LRCH1: variants seen among roughly 807,000 people sequenced by gnomAD.
LRCH1 encodes the protein leucine rich repeats and calponin homology domain containing 1, also known as leucine-rich repeat and calponin homology domain-containing protein 1.
LRCH1 carries 23 observed loss-of-function variants against 94.9 expected under a neutral mutation model. That is an observed-to-expected ratio of 0.24 (90% CI 0.17 to 0.34). The LOEUF (loss-of-function observed/expected upper bound fraction) is 0.34, where lower values mean the gene tolerates loss of function less well. Ranked by LOEUF, LRCH1 falls within the 10% of genes least tolerant of loss-of-function variation. The pLI, the probability that LRCH1 is intolerant of heterozygous loss-of-function variation, is 1.00. For synonymous variants in LRCH1, 364 were observed against 354.9 expected (o/e 1.03, Z -0.29); for missense variants, 790 against 945.9 (o/e 0.84, Z 2.16).
At chr13:46,748,550 C>T (rs976909322), downstream of LRCH1, among the ~76,000 whole-genome samples, 3 of 152,122 alleles carry the variant, frequency 2.0e-5, no homozygotes, top group Non-Finnish European at 4.4e-5. Context: ...CAGATGGTGC[C>T]GGGGAGGCTG....
intron 1 of LRCH1, among the ~76,000 whole-genome samples, chr13:46,604,261 C>T (rs1267594953): frequency 1.3e-5 from 2 of 152,060 alleles, no homozygotes; most frequent in African/African-American, 4.8e-5. Flanking sequence ...TATCTGGCAA[C>T]CCTAACTGGG....
intron 1 of LRCH1, among the ~76,000 whole-genome samples, chr13:46,635,761 G>T (rs957154179): frequency 1.4e-5 from 2 of 146,788 alleles, no homozygotes; most frequent in African/African-American, 2.5e-5. Context: ...GTGAGCCACC[G>T]CACCCGGCCC....
intron 1 of LRCH1, among the ~76,000 whole-genome samples, chr13:46,637,447 A>G (rs893282818): frequency 6.6e-6 from 1 of 151,558 alleles, no homozygotes; most frequent in Admixed American, 6.6e-5. Flanking sequence ...CTACTCCATG[A>G]CCTCATTGGC....
chr13:46,733,963 T>A lies in LRCH1; in HGVS notation c.2050T>A (p.Phe684Ile). The part of the protein sequence containing the change: ...MAKCRRNVEN[F>I]LEACRKLGVP... ...CAAATGCAGAAGAAATGTGGAAAAC[T>A]TTTTGGAAGCATGCCGAAAATTAGG... Residue 684 changes from phenylalanine to isoleucine, a missense_variant, in exon 19 of 20, where the codon TTT becomes ATT. Transcript: ENST00000389797. The A allele has an allele frequency of 6.2e-7, 1 of 1,604,848 alleles. No homozygotes were observed. Among genetic ancestry groups the A allele is most frequent in the Non-Finnish European group, 8.5e-7 (1 of 1,175,142 alleles).
At chr13:46,621,431 T>A (rs2050878542) in intron 1 of LRCH1, among the ~76,000 whole-genome samples, 1 of 152,174 alleles carries the variant, frequency 6.6e-6, no homozygotes, top group African/African-American at 2.4e-5. Flanking sequence ...TATAATCAAG[T>A]TGAGATCTTA....
intron 16 of LRCH1, chr13:46,717,345 A>G (rs1217042282): frequency 6.6e-6 from 1 of 152,212 alleles, no homozygotes; most frequent in Non-Finnish European, 1.5e-5. Context: ...TATTTTTTCT[A>G]TGAGTAAAAA....
intron 1 of LRCH1, among the ~76,000 whole-genome samples, chr13:46,628,981 A>T (rs1293190127): frequency 6.6e-6 from 1 of 152,208 alleles, no homozygotes; most frequent in Non-Finnish European, 1.5e-5. Context: ...CCATATAGTA[A>T]GTTTTAACAT....
chr13:46,673,111 T>A (rs2051623063), intron 3 of LRCH1, among the ~76,000 whole-genome samples: 1 of 152,220 alleles, frequency 6.6e-6, no homozygotes, highest in African/African-American at 2.4e-5. Context: ...ATAAAAAATA[T>A]TAATGAGATA....
At position 46,741,647 on chromosome 13, in the gene LRCH1, C is replaced by G; in HGVS notation, c.2091C>G (p.Asp697Glu). ...AATGGCTGCCCTCGGAATAGGCTGA[C>G]CTCTGCTCTCCGTGTGACATCCTGC... ...ACRKLGVPEA[D>E]LCSPCDILQL... The change falls in exon 20 of 20, where the codon GAC becomes GAG. Residue 697 changes from aspartate to glutamate, a missense_variant. This residue lies in a region of LRCH1 where 460 missense variants were observed against 508.9 expected (regional missense o/e 0.90). Coordinates refer to ENST00000389797, the MANE Select transcript of LRCH1 (RefSeq NM_001164211.2). The G allele has an allele frequency of 6.2e-7, 1 of 1,614,146 alleles. No homozygotes were observed. The highest frequency in any genetic ancestry group is 8.5e-7 in the Non-Finnish European group (1 of 1,179,986).
chr13:46,673,675 A>G (rs2051631228), intron 3 of LRCH1, among the ~76,000 whole-genome samples: 2 of 152,014 alleles, frequency 1.3e-5, no homozygotes, highest in South Asian at 4.2e-4. Context: ...GGCTCTAAGC[A>G]TTGTTTGTTA....
chr13:46,747,220 C>T (rs983830956), downstream of LRCH1, among the ~76,000 whole-genome samples: 8 of 152,106 alleles, frequency 5.3e-5, no homozygotes, highest in Admixed American at 2.6e-4. Context: ...ACCAGGAAGG[C>T]GAGGAATGCT....
At chr13:46,612,560 A>G (rs1384221027) in intron 1 of LRCH1, among the ~76,000 whole-genome samples, 1 of 152,128 alleles carries the variant, frequency 6.6e-6, no homozygotes, top group Non-Finnish European at 1.5e-5. Context: ...CATATGTCTC[A>G]ATTTTGAAGC....
chr13:46,624,052 T>C (rs893728449), intron 1 of LRCH1, among the ~76,000 whole-genome samples: 2 of 151,682 alleles, frequency 1.3e-5, no homozygotes, highest in African/African-American at 4.8e-5. Flanking sequence ...CCCAGACAAT[T>C]TTTCTATTTT....
rs765213372 is a variant in LRCH1, at chr13:46,668,996, G to A, written c.453-34G>A. 9 of 1,612,916 alleles carry A rather than the reference G, an allele frequency of 5.6e-6. No individual in the cohort carries two copies. The South Asian group carries it at 8.8e-5, about 16-fold the overall frequency. On this transcript the variant is annotated intron_variant, in intron 2 of 19. Transcript: ENST00000389797. ...ACAGACAGTATGAAGTGGCCTTTCT[G>A]TTTACATGTGTTCTTGTTGTATTGT...
At chr13:46,752,366 A>G (rs1874176968) in exon 19 of LRCH1, 1 of 152,262 alleles carries the variant, frequency 6.6e-6, no homozygotes, top group Non-Finnish European at 1.5e-5. Context: ...CAGGAGGAGG[A>G]TTCAGTGTGC....
At chr13:46,700,795 C>T (rs142797796) in intron 10 of LRCH1, among the ~76,000 whole-genome samples, 1 of 152,150 alleles carries the variant, frequency 6.6e-6, no homozygotes, top group African/African-American at 2.4e-5. Flanking sequence ...CCATGCAGCC[C>T]CCTAGAACTC....
intron 7 of LRCH1, among the ~76,000 whole-genome samples, chr13:46,689,826 AT>A (rs1385616261): frequency 2.0e-5 from 3 of 152,112 alleles, no homozygotes; most frequent in Admixed American, 6.5e-5. Flanking sequence ...TTGATAACTG[AT>A]TTATTATCTC....
At chr13:46,659,694 G>C (rs1204453264) in intron 2 of LRCH1, among the ~76,000 whole-genome samples, 1 of 152,142 alleles carries the variant, frequency 6.6e-6, no homozygotes, top group East Asian at 1.9e-4. Flanking sequence ...GGCTGTGGGG[G>C]GTGGGCTGAA....
At chr13:46,590,796 CCTT>C (rs1298475144) in intron 1 of LRCH1, among the ~76,000 whole-genome samples, 3 of 152,206 alleles carry the variant, frequency 2.0e-5, no homozygotes, top group Non-Finnish European at 4.4e-5. Context: ...AATGGATTCA[CCTT>C]CTTTCTCTTC....
Sources: allele counts gnomAD v4.1 joint callset (sites outside exome capture counted in the v4.1 genomes callset), GRCh38; gene constraint gnomAD v4.1.1; regional missense constraint gnomAD v4.1.1; transcripts MANE v1.5; gene names NCBI Gene and HGNC (gene_info 2026-07-23, HGNC 2026-07-21).